The following RAPGEFL1 variants were observed in gnomAD, a reference collection of about 807,000 sequenced individuals.
The protein encoded by RAPGEFL1 is rap guanine nucleotide exchange factor-like 1.
Under a neutral mutation model 64.4 loss-of-function variants are expected in RAPGEFL1, and 31 were observed. That is an observed-to-expected ratio of 0.48 (90% CI 0.36 to 0.65). RAPGEFL1 has a LOEUF of 0.65. Among genes scored for constraint, RAPGEFL1 ranks in the 30% least tolerant of loss-of-function variants. The probability of loss-of-function intolerance (pLI) is 0.00; values close to 1 mark genes in which losing one functional copy is unlikely to be tolerated. For synonymous variants in RAPGEFL1, 331 were observed against 274.1 expected (o/e 1.21, Z -2.05); for missense variants, 682 against 677.4 (o/e 1.01, Z -0.08).
At chr17:40,184,940 C>A (rs752404844) in intron 4 of RAPGEFL1, among the ~76,000 whole-genome samples, 1 of 151,988 alleles carries the variant, frequency 6.6e-6, no homozygotes, top group Non-Finnish European at 1.5e-5. Flanking sequence ...CCATGCCCAG[C>A]TAATTTTTGT....
intron 1 of RAPGEFL1, chr17:40,181,121 C>T: frequency 2.9e-6 from 1 of 350,368 alleles, no homozygotes; most frequent in Non-Finnish European, 5.7e-6. Context: ...TCTCCATCTC[C>T]CTTTTAATCA....
rs1272194304 is a variant in RAPGEFL1 at position 40,177,664 on chromosome 17, C to T, written c.-198C>T. On this transcript the variant is annotated 5_prime_UTR_variant, in exon 1 of 15. Transcript: ENST00000620260. ...GGTTGCTGAGAGCGAGCACTCCTTT[C>T]CTCTGGCACCTCCCCCGGCTACTGG... 1.5e-5 allele frequency: 6 copies of T among 411,414 alleles called. No homozygotes were observed. Among genetic ancestry groups the T allele is most frequent in the Non-Finnish European group, 2.1e-5 (5 of 237,336 alleles). The allele number at this position is 411,414 out of a possible 1,614,324, so 25.5% of individuals were successfully genotyped here.
Position 40,193,793 on chromosome 17 carries a change from G to A in RAPGEFL1, c.*5G>A, listed in dbSNP as rs374188777. The A allele has an allele frequency of 4.6e-5, 75 of 1,613,820 alleles. No individual in the cohort carries two copies. Among genetic ancestry groups the A allele is most frequent in the Admixed American group, 6.7e-5 (4 of 59,982 alleles). On this transcript the variant is annotated 3_prime_UTR_variant, in exon 15 of 15. Coordinates refer to ENST00000620260, the MANE Select transcript of RAPGEFL1 (RefSeq NM_016339.6). ...CTGGAGGCAAACAGTCAGTGAGAGT[G>A]GAGGCTCCAGTCAGACCCGCCAGAT...
At chr17:40,185,799 A>G (rs543887986) in intron 4 of RAPGEFL1, among the ~76,000 whole-genome samples, 158 of 150,524 alleles carry the variant, frequency 1.0e-3, no homozygotes, top group Middle Eastern at 3.4e-3. Context: ...AAAAAAAAAA[A>G]AAAAGAAAAG....
intron 2 of RAPGEFL1, among the ~76,000 whole-genome samples, chr17:40,182,797 C>G (rs946746093): frequency 6.6e-6 from 1 of 152,160 alleles, no homozygotes; most frequent in African/African-American, 2.4e-5. Flanking sequence ...TAAGCATGGG[C>G]CTCTCACAGA....
In RAPGEFL1 at chr17:40,192,824, C is replaced by T. The variant is rs527394220; in HGVS notation, c.1745-102C>T. ...CTGGAGAGGAGCCCCCCACCACAGA[C>T]GGAGTGGGTTCTGGGGAAGAGCGGG... On this transcript the variant is annotated intron_variant, in intron 12 of 14. Coordinates refer to ENST00000620260, the MANE Select transcript of RAPGEFL1 (RefSeq NM_016339.6). 809 of 1,336,342 alleles carry T rather than the reference C, an allele frequency of 6.1e-4. 9 individuals are homozygous for T. The South Asian group carries it at 9.1e-3, about 15-fold the overall frequency. 82.8% of individuals were successfully genotyped at this position (1,336,342 alleles called of 1,614,324 possible). A position where few individuals can be genotyped will look rare whatever the true frequency, so the allele number is the denominator to read the frequency against.
chr17:40,181,737 G>A, intron 2 of RAPGEFL1, 43 bp downstream of exon 2: 1 of 699,818 alleles, frequency 1.4e-6, no homozygotes, highest in Non-Finnish European at 2.6e-6. Flanking sequence ...TCAGAAGGGA[G>A]CCACTCCCTC....
intron 4 of RAPGEFL1, among the ~76,000 whole-genome samples, chr17:40,186,268 G>A (rs1273829337): frequency 2.5e-5 from 3 of 119,072 alleles, no homozygotes; most frequent in Admixed American, 1.8e-4. Context: ...AGTGGACTCC[G>A]TCTCAAAAAA....
Position 40,191,277 on chromosome 17 carries a change from C to G in RAPGEFL1, c.1336-39C>G, listed in dbSNP as rs1332669007. Reference sequence around the variant, plus strand: ...ATCTTCCCACCCACTCCCCTCACCCCCTGGCGCCCTGGCCGCCCCTCCGCT... The same window carrying G: ...ATCTTCCCACCCACTCCCCTCACCCGCTGGCGCCCTGGCCGCCCCTCCGCT... On this transcript the variant is annotated intron_variant, in intron 8 of 14. Coordinates refer to ENST00000620260, the MANE Select transcript of RAPGEFL1 (RefSeq NM_016339.6). The surrounding 1 kb of genome is among the most constrained non-coding windows in gnomAD (Gnocchi z 5.1). 5 of 1,515,052 alleles carry G rather than the reference C, an allele frequency of 3.3e-6. No individual in the cohort carries two copies. Among genetic ancestry groups the G allele is most frequent in the Non-Finnish European group, 4.4e-6 (5 of 1,139,434 alleles). The allele number at this position is 1,515,052 out of a possible 1,614,324, so 93.9% of individuals were successfully genotyped here.
Position 40,191,500 on chromosome 17 carries a change from T to C in RAPGEFL1, c.1514+6T>C. 6.3e-7 allele frequency: 1 copy of C among 1,596,204 alleles called. No individual in the cohort carries two copies. The highest frequency in any genetic ancestry group is 1.3e-5 in the African/African-American group (1 of 74,390). ...TTCATCAAGATCGCGGCCCTGTGAG[T>C]GCGGCCGTCGGCGGGATGGGGGGCC... On this transcript the variant is annotated splice_donor_region_variant and intron_variant, in intron 9 of 14. Coordinates refer to ENST00000620260, the MANE Select transcript of RAPGEFL1 (RefSeq NM_016339.6). This position sits in a 1 kb window ranked among gnomAD's most constrained non-coding sequence, Gnocchi z 5.1.
chr17:40,194,106 G>GA lies in RAPGEFL1; in HGVS notation c.*321dup, dbSNP rs1385768899. ...AGCTTCCAACTTCCTCTTGCAGCAGGAAAGAATGCTGCTCACCCTTCTGTC... is the reference window on the plus strand; with the variant it reads ...AGCTTCCAACTTCCTCTTGCAGCAGGAAAAGAATGCTGCTCACCCTTCTGTC... On this transcript the variant is annotated 3_prime_UTR_variant, in exon 15 of 15. Transcript: ENST00000620260. 3 of 285,730 alleles carry GA rather than the reference G, an allele frequency of 1.0e-5. No homozygotes were observed. Among genetic ancestry groups the GA allele is most frequent in the Admixed American group, 9.1e-5 (2 of 21,914 alleles). 17.7% of individuals were successfully genotyped at this position (285,730 alleles called of 1,614,324 possible). A position where few individuals can be genotyped will look rare whatever the true frequency, so the allele number is the denominator to read the frequency against.
chr17:40,183,731 G>A (rs1304938893), intron 2 of RAPGEFL1, among the ~76,000 whole-genome samples: 6 of 150,180 alleles, frequency 4.0e-5, no homozygotes, highest in Non-Finnish European at 7.4e-5. Flanking sequence ...ATGTTGACCA[G>A]GATGGTCTCA....
At position 40,191,626 on chromosome 17, in the gene RAPGEFL1, T is replaced by C; in HGVS notation, c.1559T>C (p.Met520Thr). ...CTGCTGTCTTTCTACGCCGTGGTCA[T>C]GGGGCTGGACAACGCCGCTGTCAGC... ...QDLLSFYAVV[M>T]GLDNAAVSRL... Residue 520 changes from methionine (M) to threonine (T), a missense_variant, in exon 10 of 15, where the codon ATG becomes ACG. Coordinates refer to ENST00000620260, the MANE Select transcript of RAPGEFL1 (RefSeq NM_016339.6). This position sits in a 1 kb window ranked among gnomAD's most constrained non-coding sequence, Gnocchi z 5.1. 6.2e-7 allele frequency: 1 copy of C among 1,608,368 alleles called. No individual in the cohort carries two copies. Among genetic ancestry groups the C allele is most frequent in the Non-Finnish European group, 8.5e-7 (1 of 1,176,958 alleles).
chr17:40,193,514 A>C, intron 14 of RAPGEFL1, 97 bp downstream of exon 14: 1 of 1,574,734 alleles, frequency 6.4e-7, no homozygotes, highest in African/African-American at 1.3e-5. Context: ...ATTTCCATAC[A>C]CTTGCTGGTT....
intron 4 of RAPGEFL1, among the ~76,000 whole-genome samples, 195 bp downstream of exon 4, chr17:40,184,873 G>A (rs1187918974): frequency 1.3e-5 from 2 of 152,150 alleles, no homozygotes; most frequent in Non-Finnish European, 2.9e-5. Flanking sequence ...TCCACCTCTT[G>A]GGTTGAAGTG....
At chr17:40,189,891 G>A (rs960768434) in intron 6 of RAPGEFL1, among the ~76,000 whole-genome samples, 3 of 151,870 alleles carry the variant, frequency 2.0e-5, no homozygotes, top group Non-Finnish European at 4.4e-5. Context: ...CGGAGGCGGA[G>A]GTTGCAGTGC....
At chr17:40,186,070 T>A (rs560025207) in intron 4 of RAPGEFL1, among the ~76,000 whole-genome samples, 31 of 146,652 alleles carry the variant, frequency 2.1e-4, no homozygotes, top group African/African-American at 7.1e-4. Flanking sequence ...GATCAGGAGT[T>A]CGAGACCAGC....
Position 40,188,837 on chromosome 17 carries a change from G to A in RAPGEFL1, c.834-29G>A, listed in dbSNP as rs117510015. The A allele has an allele frequency of 1.0e-4, 158 of 1,579,940 alleles. No individual in the cohort carries two copies. The East Asian group carries it at 2.3e-3, about 23-fold the overall frequency. ...TGGTTGTCCATATGCCTGGCAGGGC[G>A]TGCTGATGCCCAGCTGTGTCCATGC... is the stretch of plus-strand genomic sequence containing the variant. On this transcript the variant is annotated intron_variant, in intron 4 of 14. Coordinates refer to ENST00000620260, the MANE Select transcript of RAPGEFL1 (RefSeq NM_016339.6).
intron 1 of RAPGEFL1, chr17:40,181,241 C>G (rs1989884714): frequency 2.2e-6 from 1 of 456,308 alleles, no homozygotes; most frequent in Non-Finnish European, 4.4e-6. Flanking sequence ...ATGCTAACCT[C>G]TGTGTTTGGA....
Sources: allele counts gnomAD v4.1 joint callset (sites outside exome capture counted in the v4.1 genomes callset), GRCh38; gene constraint gnomAD v4.1.1; non-coding constraint Gnocchi (gnomAD v3.1); transcripts MANE v1.5; gene names NCBI Gene and HGNC (gene_info 2026-07-23, HGNC 2026-07-21).